The following CIP2A variants were observed in gnomAD, a reference collection of about 807,000 sequenced individuals.
The protein encoded by CIP2A is protein CIP2A.
CIP2A carries 103 observed loss-of-function variants against 110.9 expected under a neutral mutation model. That is an observed-to-expected ratio of 0.93 (90% CI 0.79 to 1.09). The LOEUF (loss-of-function observed/expected upper bound fraction) is 1.09. Ranked by LOEUF, CIP2A falls within the 50% of genes least tolerant of loss-of-function variation. The pLI is 0.00. For synonymous variants in CIP2A, 381 were observed against 361.6 expected, an observed-to-expected ratio of 1.05 and a Z score of -0.61; for missense variants, 1,088 against 1,038.4, an observed-to-expected ratio of 1.05 and a Z score of -0.66.
chr3:108,567,934 TAACTTA>T (rs1434037115), intron 10 of CIP2A, among the ~76,000 whole-genome samples: 1 of 152,012 alleles, frequency 6.6e-6, no homozygotes, highest in Admixed American at 6.6e-5. Flanking sequence ...AAATGTACTT[TAACTTA>T]AAAGTTTCAC....
At chr3:108,566,181 A>G (rs935816035) in intron 11 of CIP2A, among the ~76,000 whole-genome samples, 3 of 151,780 alleles carry the variant, frequency 2.0e-5, no homozygotes, top group Non-Finnish European at 1.5e-5. Flanking sequence ...TTCATTTAAA[A>G]AAGTAAAATT....
Position 108,566,483 on chromosome 3 carries a change from G to A in CIP2A, c.1415+14C>T, listed in dbSNP as rs1419939603. On this transcript the variant is annotated intron_variant, in intron 11 of 20. Transcript: ENST00000295746. ...ACTGCCTTGCCATTTTGTCATTAGA[G>A]TTTATATACTCACCATAATTCAGAA... 5 of 1,596,916 alleles carry A rather than the reference G, an allele frequency of 3.1e-6. No individual in the cohort carries two copies. Among genetic ancestry groups the A allele is most frequent in the Non-Finnish European group, 4.3e-6 (5 of 1,172,412 alleles).
intron 9 of CIP2A, 139 bp downstream of exon 9, chr3:108,569,250 G>A (rs199819401): frequency 7.5e-5 from 45 of 599,976 alleles, no homozygotes; most frequent in East Asian, 5.8e-4. Flanking sequence ...AAAACCTAGC[G>A]AGTCTAGTAT....
At chr3:108,588,410 T>C (rs939264863) in intron 1 of CIP2A, among the ~76,000 whole-genome samples, 1 of 152,234 alleles carries the variant, frequency 6.6e-6, no homozygotes, top group Non-Finnish European at 1.5e-5. Context: ...CACTAACAGC[T>C]GCTGTTGCTC....
rs199709913 is a variant in CIP2A, at chr3:108,563,112, T to C, written c.1634+14A>G. ...AACACCACAAGAGATACACTGCAAA[T>C]GATTACAACTCACACTAAAGCAGGA... On this transcript the variant is annotated intron_variant, in intron 13 of 20. Transcript: ENST00000295746. 229 of 1,516,736 alleles carry C rather than the reference T, an allele frequency of 1.5e-4. No homozygotes were observed. Among genetic ancestry groups the C allele is most frequent in the Non-Finnish European group, 2.0e-4 (221 of 1,091,708 alleles). 94.0% of individuals were successfully genotyped at this position (1,516,736 alleles called of 1,614,324 possible).
intron 8 of CIP2A, among the ~76,000 whole-genome samples, chr3:108,573,844 C>G (rs1304604438): frequency 1.3e-5 from 2 of 151,880 alleles, no homozygotes; most frequent in Non-Finnish European, 2.9e-5. Context: ...TAATTTTTTT[C>G]TTCTGTAAAA....
At chr3:108,577,844 A>C (rs535635574) in intron 7 of CIP2A, among the ~76,000 whole-genome samples, 1 of 152,318 alleles carries the variant, frequency 6.6e-6, no homozygotes, top group East Asian at 1.9e-4. Context: ...GGTTGCAGTG[A>C]GCCAGGATCA....
At chr3:108,582,941 T>C (rs1938929333) in intron 3 of CIP2A, 36 bp downstream of exon 3, 2 of 1,281,514 alleles carry the variant, frequency 1.6e-6, no homozygotes, top group African/African-American at 1.5e-5. Flanking sequence ...GATCTGACAG[T>C]AAGGAAAGGG....
chr3:108,584,987 T>C, intron 2 of CIP2A, 78 bp downstream of exon 2: 1 of 1,329,550 alleles, frequency 7.5e-7, no homozygotes, highest in East Asian at 2.4e-5. Context: ...CTTTAAGAGA[T>C]TCTATAACTA....
chr3:108,567,626 A>T (rs1938232077), intron 10 of CIP2A, among the ~76,000 whole-genome samples: 2 of 151,954 alleles, frequency 1.3e-5, no homozygotes, highest in African/African-American at 2.4e-5. Context: ...TAAATGAATG[A>T]ATTTGTGTTG....
rs762454058 is a variant in CIP2A at position 108,568,212 on chromosome 3, C to G, written c.1216G>C (p.Glu406Gln). 3 of 1,612,366 alleles carry G rather than the reference C, an allele frequency of 1.9e-6. No homozygotes were observed. The highest frequency in any genetic ancestry group is 3.3e-5 in the Admixed American group (2 of 59,852). ...QLQFTEQNLD[E>Q]ALTRKKCERI... ...TCACATTTTTTTCTTGTTAAAGCCT[C>G]ATCTAGATTTTGTTCTGTGAACTGA... Residue 406 changes from glutamate to glutamine, a missense_variant, in exon 10 of 21, where the codon GAG becomes CAG. Coordinates refer to ENST00000295746, the MANE Select transcript of CIP2A (RefSeq NM_020890.3).
At chr3:108,554,606 G>T in intron 17 of CIP2A, 117 bp from the exon 18 acceptor site, 1 of 552,764 alleles carries the variant, frequency 1.8e-6, no homozygotes, top group Non-Finnish European at 3.2e-6. Context: ...TGCTGGAAGA[G>T]AAGGAATGTT....
Position 108,550,024 on chromosome 3 carries a change from A to T in CIP2A, c.*1125T>A, listed in dbSNP as rs2083876814. The T allele has an allele frequency of 1.3e-5, 2 of 152,004 alleles. No homozygotes were observed. The highest frequency in any genetic ancestry group is 6.6e-5 in the Admixed American group (1 of 15,224). The allele number at this position is 152,004 out of a possible 1,614,324, so 9.4% of individuals were successfully genotyped here. A position where few individuals can be genotyped will look rare whatever the true frequency, so the allele number is the denominator to read the frequency against. On this transcript the variant is annotated 3_prime_UTR_variant, in exon 21 of 21. Transcript: ENST00000295746. ...GTTTTACTCTGCATAATATTTTTTA[A>T]AAAATTTCCAGAACTGTACAAATCT...
Position 108,576,280 on chromosome 3 carries a change from G to A in CIP2A, c.885C>T (p.Ser295=), listed in dbSNP as rs1344901148. ...TCATGTTTTTACATACCTTTGAAGA[G>A]GAATCAGGATCCTTTCCATTAAGAA... ...LGLLNGKDPD[S]SSKVLELLLA... The change falls in exon 8 of 21, where the codon TCC becomes TCT. Residue 295 remains serine (S), a synonymous_variant. Coordinates refer to ENST00000295746, the MANE Select transcript of CIP2A (RefSeq NM_020890.3). 6 of 1,550,344 alleles carry A rather than the reference G, an allele frequency of 3.9e-6. No individual in the cohort carries two copies. Among genetic ancestry groups the A allele is most frequent in the East Asian group, 4.8e-5 (2 of 41,812 alleles).
At chr3:108,560,942 T>C (rs1158083844) in intron 13 of CIP2A, 101 bp from the exon 14 acceptor site, 3 of 671,976 alleles carry the variant, frequency 4.5e-6, no homozygotes, top group Admixed American at 3.0e-5. Flanking sequence ...GGTCCTTTTT[T>C]TGAATAGAAG....
intron 17 of CIP2A, among the ~76,000 whole-genome samples, chr3:108,556,741 T>TA (rs1247461986): frequency 6.6e-6 from 1 of 152,190 alleles, no homozygotes; most frequent in Non-Finnish European, 1.5e-5. Flanking sequence ...GTTAAACACT[T>TA]ACACCTAAAT....
chr3:108,572,238 T>C (rs1027708057), intron 8 of CIP2A, among the ~76,000 whole-genome samples: 3 of 152,072 alleles, frequency 2.0e-5, no homozygotes, highest in Non-Finnish European at 4.4e-5. Flanking sequence ...TTAGTGCTTT[T>C]GTTTCCTGTT....
In CIP2A at chr3:108,569,619, A is replaced by G. The variant is rs779501099; in HGVS notation, c.895-12T>C. ...AGTAATTCTAAAACCTGTGCAATAT[A>G]AAGTGTTCATTAAACATCAATTTCA... On this transcript the variant is annotated splice_polypyrimidine_tract_variant and intron_variant, in intron 8 of 20. Coordinates refer to ENST00000295746, the MANE Select transcript of CIP2A (RefSeq NM_020890.3). 21 of 1,599,306 alleles carry G rather than the reference A, an allele frequency of 1.3e-5. No individual in the cohort carries two copies. The African/African-American group carries it at 1.7e-4, about 13-fold the overall frequency.
chr3:108,556,941 T>C (rs1406640098), intron 17 of CIP2A, among the ~76,000 whole-genome samples: 2 of 152,126 alleles, frequency 1.3e-5, no homozygotes, highest in Non-Finnish European at 2.9e-5. Context: ...ACAGACAAAC[T>C]TGTCCTTGTG....
Sources: gnomAD v4.1 joint callset for allele counts (sites outside exome capture counted in the v4.1 genomes callset) on GRCh38, gnomAD v4.1.1 for gene constraint, MANE v1.5 for transcripts, NCBI Gene and HGNC (gene_info 2026-07-23, HGNC 2026-07-21) for gene names.